The following DLGAP1 variants were observed in gnomAD, a reference collection of about 807,000 sequenced individuals.
DLGAP1 encodes the protein DLG associated protein 1, also known as disks large-associated protein 1.
In DLGAP1, 11 loss-of-function variants were observed where a neutral mutation model predicts 90.8. The ratio of observed to expected loss-of-function variants is 0.12; its 90% CI spans 0.08 to 0.20. The LOEUF (loss-of-function observed/expected upper bound fraction) is 0.20, where lower values mean the gene tolerates loss of function less well. Among genes scored for constraint, DLGAP1 ranks in the 10% least tolerant of loss-of-function variants. DLGAP1 has a pLI of 1.00. For missense variants in DLGAP1, 1,050 were observed against 1,333.8 expected (o/e 0.79, Z 3.31); for synonymous variants, 558 against 540.7 (o/e 1.03, Z -0.44).
chr18:4,363,546 A>G (rs1314230761), intron 1 of DLGAP1, among the ~76,000 whole-genome samples: 1 of 152,204 alleles, frequency 6.6e-6, no homozygotes, highest in Non-Finnish European at 1.5e-5. Context: ...AATGAACTCA[A>G]ACAAATTTAC....
intron 7 of DLGAP1, among the ~76,000 whole-genome samples, chr18:3,645,364 G>A (rs1251957916): frequency 7.3e-6 from 1 of 137,574 alleles, no homozygotes; most frequent in Non-Finnish European, 1.6e-5. Context: ...TACAGAAAAT[G>A]AAAATAAATA....
chr18:4,326,988 C>A (rs1177158409), intron 1 of DLGAP1, among the ~76,000 whole-genome samples: 2 of 151,964 alleles, frequency 1.3e-5, no homozygotes, highest in Non-Finnish European at 2.9e-5. Context: ...TGCACATGTA[C>A]CCCTGGACCT....
intron 3 of DLGAP1, among the ~76,000 whole-genome samples, chr18:3,894,006 C>T (rs1215616727): frequency 6.6e-6 from 1 of 152,116 alleles, no homozygotes; most frequent in Non-Finnish European, 1.5e-5. Flanking sequence ...TTATTGGCTA[C>T]TTATATGTCT....
intron 7 of DLGAP1, among the ~76,000 whole-genome samples, chr18:3,635,821 T>G (rs1170672080): frequency 1.3e-5 from 2 of 151,550 alleles, no homozygotes; most frequent in African/African-American, 4.9e-5. Context: ...CCTCATCCCA[T>G]GGATGACTTG....
chr18:3,935,850 G>A (rs1016496766), intron 3 of DLGAP1, among the ~76,000 whole-genome samples: 1 of 152,180 alleles, frequency 6.6e-6, no homozygotes, highest in Non-Finnish European at 1.5e-5. Context: ...GAAAGTCTAA[G>A]CCTTTTCCAC....
At chr18:4,379,334 C>T (rs2082073517) in intron 1 of DLGAP1, among the ~76,000 whole-genome samples, 1 of 152,050 alleles carries the variant, frequency 6.6e-6, no homozygotes, top group Non-Finnish European at 1.5e-5. Flanking sequence ...CCCAGTGTGT[C>T]TTCATTTTCT....
At chr18:3,772,362 TTC>T (rs1291544009) in intron 5 of DLGAP1, among the ~76,000 whole-genome samples, 1 of 7,456 alleles carries the variant, frequency 1.3e-4, no homozygotes, top group South Asian at 4.2e-3. Flanking sequence ...CTTTCTTTCT[TTC>T]TTTCTTTCTT....
At chr18:3,748,691 C>G (rs2063372101) in intron 5 of DLGAP1, among the ~76,000 whole-genome samples, 1 of 152,158 alleles carries the variant, frequency 6.6e-6, no homozygotes, top group South Asian at 2.1e-4. Flanking sequence ...AAATCATACT[C>G]ATAAACATTA....
chr18:4,004,399 G>A (rs1005506026), intron 3 of DLGAP1, among the ~76,000 whole-genome samples: 6 of 151,938 alleles, frequency 3.9e-5, no homozygotes, highest in Admixed American at 2.6e-4. Context: ...CTGCTCTCCG[G>A]GGAGTCCCTT....
intron 5 of DLGAP1, among the ~76,000 whole-genome samples, chr18:3,783,019 A>C (rs1366648479): frequency 1.3e-5 from 2 of 152,226 alleles, no homozygotes; most frequent in Non-Finnish European, 2.9e-5. Flanking sequence ...CTCCAAAGAA[A>C]ATATACAAGT....
intron 2 of DLGAP1, among the ~76,000 whole-genome samples, chr18:4,010,299 C>G (rs180774500): frequency 6.6e-6 from 1 of 152,192 alleles, no homozygotes. Context: ...AATCCCAGCA[C>G]TTTGGGAAGC....
At chr18:3,629,741 G>A (rs1299900842) in intron 7 of DLGAP1, among the ~76,000 whole-genome samples, 1 of 152,008 alleles carries the variant, frequency 6.6e-6, no homozygotes, top group Non-Finnish European at 1.5e-5. Flanking sequence ...AACCTGGTAG[G>A]TGTGTATTGG....
chr18:4,114,032 A>G (rs6506182), intron 2 of DLGAP1, among the ~76,000 whole-genome samples: 69,071 of 145,136 alleles, frequency 0.48, 16,948 homozygotes, highest in African/African-American at 0.61. Context: ...TATAGTTTGA[A>G]GTTGAGTAAT....
At position 4,306,033 on chromosome 18, in the gene DLGAP1, T is replaced by TACACACACACACACACAC. The variant is rs3041181; in HGVS notation, c.-267+148955_-267+148972dup. 4.1e-4 allele frequency among the ~76,000 whole-genome samples: 59 copies of TACACACACACACACACAC among 142,202 alleles called. No individual in the cohort carries two copies. The East Asian group carries it at 5.4e-3, about 13-fold the overall frequency. 93.3% of individuals were successfully genotyped at this position (142,202 alleles called of 152,430 possible). On this transcript the variant is annotated intron_variant, in intron 1 of 12. Coordinates refer to ENST00000315677, the MANE Select transcript of DLGAP1 (RefSeq NM_004746.4). ...ACACACACACACAGACACACACAAA[T>TACACACACACACACACAC]ACACACACACACACACACACACACA...
chr18:3,711,615 G>C lies in DLGAP1; in HGVS notation c.1591+17520C>G, dbSNP rs1274188741. On this transcript the variant is annotated intron_variant, in intron 7 of 12. Transcript: ENST00000315677. The surrounding 1 kb of genome is among the most constrained non-coding windows in gnomAD (Gnocchi z 4.0). The stretch of plus-strand genomic sequence containing the variant: ...GCACTTTGGGAGGCTGAGGCAGGAG[G>C]ATCACTTGAGCCCAGGAGTCTGAGA... Among the ~76,000 whole-genome samples, 2 of 152,110 alleles carry C rather than the reference G, an allele frequency of 1.3e-5. No homozygotes were observed. The highest frequency in any genetic ancestry group is 6.5e-5 in the Admixed American group (1 of 15,268).
rs561536224 is a variant in DLGAP1 at position 3,879,088 on chromosome 18, C to T, written c.957+24G>A. ...AGCATGCCAGGTACTACTTCTAAGC[C>T]TCCATCATTGACAGAAATGGTACCT... is the stretch of plus-strand genomic sequence containing the variant. On this transcript the variant is annotated intron_variant, in intron 4 of 12. Transcript: ENST00000315677. This position sits in a 1 kb window ranked among gnomAD's most constrained non-coding sequence, Gnocchi z 6.6. 16 of 1,479,532 alleles carry T rather than the reference C, an allele frequency of 1.1e-5. No homozygotes were observed. The South Asian group carries it at 2.0e-4, about 19-fold the overall frequency. 91.7% of individuals were successfully genotyped at this position (1,479,532 alleles called of 1,614,324 possible). A position where few individuals can be genotyped will look rare whatever the true frequency, so the allele number is the denominator to read the frequency against.
intron 2 of DLGAP1, among the ~76,000 whole-genome samples, chr18:4,120,249 T>G (rs978207786): frequency 6.6e-5 from 10 of 152,230 alleles, no homozygotes; most frequent in Non-Finnish European, 1.5e-4. Flanking sequence ...AGCAGTGAGC[T>G]GCTACTAAAT....
At chr18:4,389,722 C>A (rs1448209454) in intron 1 of DLGAP1, among the ~76,000 whole-genome samples, 2 of 152,184 alleles carry the variant, frequency 1.3e-5, no homozygotes, top group Admixed American at 6.5e-5. Flanking sequence ...GTTCACACTA[C>A]CCATTATACG....
intron 5 of DLGAP1, among the ~76,000 whole-genome samples, chr18:3,811,310 T>C (rs2066829083): frequency 6.6e-6 from 1 of 152,244 alleles, no homozygotes; most frequent in Non-Finnish European, 1.5e-5. Context: ...TCTAAGGTTC[T>C]CTTGTGATCC....
Sources: gnomAD v4.1 joint callset for allele counts (sites outside exome capture counted in the v4.1 genomes callset) on GRCh38, gnomAD v4.1.1 for gene constraint, Gnocchi (gnomAD v3.1) non-coding constraint, MANE v1.5 for transcripts, NCBI Gene and HGNC (gene_info 2026-07-23, HGNC 2026-07-21) for gene names.